The following NCAM2 variants were observed in gnomAD, a reference collection of about 807,000 sequenced individuals.
The protein encoded by NCAM2 is N-CAM-2.
In NCAM2, 30 loss-of-function variants were observed where a neutral mutation model predicts 98.1. That is an observed-to-expected ratio of 0.31 (90% CI 0.23 to 0.41). NCAM2 has a LOEUF of 0.41. Among genes scored for constraint, NCAM2 ranks in the 10% least tolerant of loss-of-function variants. NCAM2 has a pLI of 1.00. For missense variants in NCAM2, 867 were observed against 1,005.8 expected (o/e 0.86, Z 1.87); for synonymous variants, 368 against 342.4 (o/e 1.07, Z -0.83).
chr21:21,362,429 C>T (rs938302710), intron 8 of NCAM2, among the ~76,000 whole-genome samples: 2 of 150,070 alleles, frequency 1.3e-5, no homozygotes, highest in African/African-American at 4.9e-5. Context: ...GGGTCTTGCT[C>T]TTTCACCCAG....
intron 11 of NCAM2, among the ~76,000 whole-genome samples, chr21:21,427,926 T>C (rs2077250521): frequency 6.6e-6 from 1 of 152,210 alleles, no homozygotes; most frequent in South Asian, 2.1e-4. Flanking sequence ...AGGGTTTAAG[T>C]GCTCAACATT....
chr21:21,389,944 G>A (rs944898258), intron 9 of NCAM2, among the ~76,000 whole-genome samples: 19 of 152,070 alleles, frequency 1.2e-4, no homozygotes, highest in South Asian at 4.1e-4. Flanking sequence ...CCACCTCTCC[G>A]GTTCAAGCTA....
At chr21:21,373,571 G>C (rs1356296174) in intron 8 of NCAM2, among the ~76,000 whole-genome samples, 1 of 151,708 alleles carries the variant, frequency 6.6e-6, no homozygotes, top group African/African-American at 2.4e-5. Flanking sequence ...CCACATGAGA[G>C]ATCTTTAAAC....
chr21:21,282,857 A>G (rs1250762353), intron 2 of NCAM2, among the ~76,000 whole-genome samples: 1 of 151,884 alleles, frequency 6.6e-6, no homozygotes, highest in African/African-American at 2.4e-5. Flanking sequence ...CAATTATAAC[A>G]GCTTTATGAA....
chr21:21,530,308 T>TA (rs1354337980), intron 16 of NCAM2, among the ~76,000 whole-genome samples: 1 of 96,342 alleles, frequency 1.0e-5, no homozygotes, highest in African/African-American at 4.1e-5. Context: ...TTAAATTAAA[T>TA]TATATATAAT....
chr21:21,223,328 C>T (rs185580387), intron 1 of NCAM2: 26 of 152,048 alleles, frequency 1.7e-4, no homozygotes, highest in Admixed American at 5.2e-4. Context: ...TTTTATTTTT[C>T]GGATTTTTTC....
At chr21:21,134,154 C>T (rs1233674976) in intron 1 of NCAM2, among the ~76,000 whole-genome samples, 45 of 151,768 alleles carry the variant, frequency 3.0e-4, no homozygotes, top group East Asian at 3.9e-4. Flanking sequence ...CTGCAACCTC[C>T]GCCTCCCGGG....
At chr21:21,372,261 T>G (rs1221668183) in intron 8 of NCAM2, among the ~76,000 whole-genome samples, 1 of 151,838 alleles carries the variant, frequency 6.6e-6, no homozygotes, top group Non-Finnish European at 1.5e-5. Flanking sequence ...ATAACCATAT[T>G]ATAAAAATAT....
At chr21:21,209,356 TAGATGTA>T (rs1210276338) in intron 1 of NCAM2, among the ~76,000 whole-genome samples, 6 of 152,216 alleles carry the variant, frequency 3.9e-5, no homozygotes, top group African/African-American at 1.4e-4. Context: ...GCTCCGACTA[TAGATGTA>T]CAACACAATG....
At chr21:21,395,665 AC>A (rs774365043) in intron 9 of NCAM2, among the ~76,000 whole-genome samples, 1 of 152,224 alleles carries the variant, frequency 6.6e-6, no homozygotes, top group Non-Finnish European at 1.5e-5. Flanking sequence ...TTAAATAGAC[AC>A]ACAGTCCAAT....
At chr21:21,084,557 A>C (rs549723709) in intron 1 of NCAM2, among the ~76,000 whole-genome samples, 4 of 152,232 alleles carry the variant, frequency 2.6e-5, no homozygotes, top group Admixed American at 6.5e-5. Flanking sequence ...AACAGCAAGT[A>C]TGATTTTTAA....
At chr21:21,123,532 G>A (rs929312532) in intron 1 of NCAM2, among the ~76,000 whole-genome samples, 1 of 152,090 alleles carries the variant, frequency 6.6e-6, no homozygotes, top group African/African-American at 2.4e-5. Flanking sequence ...CCCCCGTGGT[G>A]AGGAATTGTA....
chr21:21,172,167 A>C (rs2068146424), intron 1 of NCAM2, among the ~76,000 whole-genome samples: 1 of 151,852 alleles, frequency 6.6e-6, no homozygotes, highest in South Asian at 2.1e-4. Flanking sequence ...GTTTTCTGAC[A>C]GAGGAATGAC....
chr21:21,162,851 G>A (rs1250558530), intron 1 of NCAM2, among the ~76,000 whole-genome samples: 2 of 152,170 alleles, frequency 1.3e-5, no homozygotes, highest in East Asian at 3.9e-4. Context: ...AAATATATCC[G>A]TTATTGGTGA....
In NCAM2 at chr21:21,400,502, A is replaced by G. The variant is rs533205401; in HGVS notation, c.1196-9772A>G. Among the ~76,000 whole-genome samples the G allele has an allele frequency of 2.0e-5, 3 of 152,236 alleles. No homozygotes were observed. In the East Asian group the frequency reaches 5.8e-4, roughly 29 times the overall value. On this transcript the variant is annotated intron_variant, in intron 9 of 17. Transcript: ENST00000400546. ...GAAGATTTTGGAGTCTTAAGATAAT[A>G]CATTTACCACCAAGGACTACTGCAT...
chr21:21,506,142 A>G (rs1301312322), intron 15 of NCAM2, among the ~76,000 whole-genome samples: 4 of 152,180 alleles, frequency 2.6e-5, no homozygotes, highest in African/African-American at 7.2e-5. Flanking sequence ...GCATGTGAGA[A>G]GACCCTAAAC....
chr21:21,441,734 A>G (rs1159517871), intron 12 of NCAM2, among the ~76,000 whole-genome samples: 1 of 150,132 alleles, frequency 6.7e-6, no homozygotes, highest in Non-Finnish European at 1.5e-5. Context: ...TGAACGTGGT[A>G]TCCTGGAGGA....
intron 1 of NCAM2, among the ~76,000 whole-genome samples, chr21:21,095,626 A>G (rs1410578285): frequency 1.3e-5 from 2 of 151,676 alleles, no homozygotes; most frequent in Admixed American, 6.6e-5. Flanking sequence ...TACTTTAAAT[A>G]TATGCTTATT....
intron 6 of NCAM2, among the ~76,000 whole-genome samples, chr21:21,327,519 A>G (rs1402711782): frequency 6.6e-6 from 1 of 152,040 alleles, no homozygotes; most frequent in African/African-American, 2.4e-5. Flanking sequence ...GGTTTGTTAC[A>G]TGAGTATAAT....
Sources: allele counts gnomAD v4.1 joint callset (sites outside exome capture counted in the v4.1 genomes callset), GRCh38; gene constraint gnomAD v4.1.1; transcripts MANE v1.5; gene names NCBI Gene and HGNC (gene_info 2026-07-23, HGNC 2026-07-21).